CLASP2: variants seen among roughly 807,000 people sequenced by gnomAD.
CLASP2 encodes cytoplasmic linker associated protein 2.
Under a neutral mutation model 194.4 loss-of-function variants are expected in CLASP2, and 47 were observed. The observed-to-expected ratio is 0.24, with a 90% CI of 0.19 to 0.31. The LOEUF is 0.31. Among genes scored for constraint, CLASP2 ranks in the 10% least tolerant of loss-of-function variants. The pLI, the probability that CLASP2 is intolerant of heterozygous loss-of-function variation, is 1.00. For synonymous variants in CLASP2, 619 were observed against 633.5 expected, an observed-to-expected ratio of 0.98 and a Z score of 0.34; for missense variants, 1,445 against 1,823.6, an observed-to-expected ratio of 0.79 and a Z score of 3.78.
chr3:33,555,090 TAA>T (rs1208876338), intron 29 of CLASP2, among the ~76,000 whole-genome samples: 1 of 151,956 alleles, frequency 6.6e-6, no homozygotes. Flanking sequence ...TATTCTTACC[TAA>T]AAAAAAGATA....
intron 6 of CLASP2, among the ~76,000 whole-genome samples, chr3:33,680,570 A>C (rs966508748): frequency 2.6e-5 from 4 of 152,206 alleles, no homozygotes; most frequent in African/African-American, 4.8e-5. Context: ...GAACTTTGGG[A>C]GGCTGAGGCA....
At chr3:33,559,430 A>C in intron 28 of CLASP2, 45 bp from the exon 29 acceptor site, 1 of 1,120,550 alleles carries the variant, frequency 8.9e-7, no homozygotes, top group Non-Finnish European at 1.3e-6. Context: ...TTAGTTAGCA[A>C]GTACGCATGT....
At chr3:33,574,316 G>T (rs1219091746) in intron 24 of CLASP2, among the ~76,000 whole-genome samples, 1 of 152,074 alleles carries the variant, frequency 6.6e-6, no homozygotes, top group Non-Finnish European at 1.5e-5. Flanking sequence ...TATTCAAGCA[G>T]TATCTCTCTC....
intron 2 of CLASP2, 138 bp from the exon 3 acceptor site, chr3:33,690,070 C>A: frequency 2.0e-6 from 1 of 498,906 alleles, no homozygotes; most frequent in South Asian, 4.2e-5. Context: ...AAGTTCTTTA[C>A]ACATGAATCC....
At chr3:33,527,909 G>T (rs1025808995) in intron 34 of CLASP2, among the ~76,000 whole-genome samples, 2 of 152,140 alleles carry the variant, frequency 1.3e-5, no homozygotes, top group Admixed American at 1.3e-4. Flanking sequence ...GTTGCAGAGA[G>T]CCGAGATCAT....
At chr3:33,692,764 G>A (rs976240568) in intron 2 of CLASP2, among the ~76,000 whole-genome samples, 1 of 152,118 alleles carries the variant, frequency 6.6e-6, no homozygotes, top group East Asian at 1.9e-4. Flanking sequence ...TGGGTATCCA[G>A]AACAGAATTT....
chr3:33,552,377 G>A (rs1477075483), intron 29 of CLASP2, among the ~76,000 whole-genome samples: 2 of 151,966 alleles, frequency 1.3e-5, no homozygotes, highest in Middle Eastern at 3.2e-3. Context: ...TCAGTCTCCC[G>A]AAGTGCTGGG....
intron 6 of CLASP2, among the ~76,000 whole-genome samples, chr3:33,666,282 A>C (rs976481720): frequency 1.3e-5 from 2 of 152,216 alleles, no homozygotes; most frequent in Admixed American, 1.3e-4. Flanking sequence ...AGAGTTGTGC[A>C]ACCAAATAAT....
chr3:33,577,186 T>A (rs769071162), intron 23 of CLASP2: 83 of 1,572,478 alleles, frequency 5.3e-5, no homozygotes, highest in Non-Finnish European at 6.7e-5. Flanking sequence ...ATAGTGAAAA[T>A]GTACTCATCC....
At chr3:33,617,604 A>T (rs2076409061) in intron 12 of CLASP2, among the ~76,000 whole-genome samples, 1 of 152,146 alleles carries the variant, frequency 6.6e-6, no homozygotes. Flanking sequence ...ATATATAACA[A>T]AAGAGCTTAT....
At chr3:33,538,580 A>C (rs2057805508) in intron 33 of CLASP2, among the ~76,000 whole-genome samples, 1 of 152,232 alleles carries the variant, frequency 6.6e-6, no homozygotes, top group Admixed American at 6.5e-5. Flanking sequence ...CTATATGAAA[A>C]TCTAAAAGGA....
chr3:33,626,194 A>AT (rs1293753627), intron 10 of CLASP2, among the ~76,000 whole-genome samples: 1 of 152,116 alleles, frequency 6.6e-6, no homozygotes, highest in East Asian at 1.9e-4. Context: ...TCATAGTGTC[A>AT]TAAAAGCCAT....
intron 7 of CLASP2, among the ~76,000 whole-genome samples, chr3:33,655,622 A>G (rs1353927789): frequency 6.6e-6 from 1 of 152,192 alleles, no homozygotes; most frequent in Admixed American, 6.5e-5. Flanking sequence ...GCTTTCTTTC[A>G]TTAATTTAAA....
chr3:33,572,883 C>CAA (rs2064070666), intron 25 of CLASP2, among the ~76,000 whole-genome samples: 1 of 147,716 alleles, frequency 6.8e-6, no homozygotes, highest in South Asian at 2.2e-4. Context: ...AGTTTCCTTT[C>CAA]AAAATGTTTT....
At position 33,584,046 on chromosome 3, in the gene CLASP2, T is replaced by C. The variant is rs1053250580; in HGVS notation, c.2239+704A>G. ...ATGTTTAAGCTGGCTTCATCTATCATTACTATTATCTGAAATTGAAAGTAT... is the reference window on the plus strand; with the variant it reads ...ATGTTTAAGCTGGCTTCATCTATCACTACTATTATCTGAAATTGAAAGTAT... On this transcript the variant is annotated intron_variant, in intron 22 of 38. Coordinates refer to ENST00000682230, the MANE Select transcript of CLASP2 (RefSeq NM_001365631.1). Among the ~76,000 whole-genome samples the C allele has an allele frequency of 2.2e-4, 33 of 152,196 alleles. 1 individual carries two copies. The highest frequency in any genetic ancestry group is 7.5e-4 in the African/African-American group (31 of 41,434).
At chr3:33,617,742 G>C (rs1341063578) in intron 12 of CLASP2, among the ~76,000 whole-genome samples, 5 of 151,164 alleles carry the variant, frequency 3.3e-5, no homozygotes. Context: ...ACAATCCATA[G>C]AATTATAGAA....
At chr3:33,671,637 G>T (rs1042669627) in intron 6 of CLASP2, among the ~76,000 whole-genome samples, 1 of 152,222 alleles carries the variant, frequency 6.6e-6, no homozygotes, top group Non-Finnish European at 1.5e-5. Context: ...AGCAGGGCGA[G>T]GCATTGCCTC....
intron 7 of CLASP2, among the ~76,000 whole-genome samples, chr3:33,657,311 A>G (rs1459368430): frequency 6.6e-6 from 1 of 152,140 alleles, no homozygotes; most frequent in East Asian, 1.9e-4. Flanking sequence ...CACTATATAC[A>G]TATCTTTATT....
intron 33 of CLASP2, among the ~76,000 whole-genome samples, chr3:33,536,160 C>T (rs567932457): frequency 8.6e-5 from 13 of 151,978 alleles, no homozygotes; most frequent in African/African-American, 2.7e-4. Context: ...ATATTATATG[C>T]CTGGCATTGT....
Sources: gnomAD v4.1 joint callset for allele counts (sites outside exome capture counted in the v4.1 genomes callset) on GRCh38, gnomAD v4.1.1 for gene constraint, MANE v1.5 for transcripts, NCBI Gene and HGNC (gene_info 2026-07-23, HGNC 2026-07-21) for gene names.